TTPA: variants seen among roughly 807,000 people sequenced by gnomAD.
TTPA encodes the protein alpha tocopherol transfer protein, also known as alpha-tocopherol transfer protein.
Under a neutral mutation model 25.9 loss-of-function variants are expected in TTPA, and 23 were observed. The ratio of observed to expected loss-of-function variants is 0.89; its 90% confidence interval spans 0.64 to 1.26. The LOEUF (loss-of-function observed/expected upper bound fraction) is 1.26. Ranked by LOEUF, TTPA falls within the 50% of genes most tolerant of loss-of-function variation. TTPA has a pLI of 0.00. For synonymous variants in TTPA, 148 were observed against 137.3 expected, an observed-to-expected ratio of 1.08 and a Z score of -0.54; for missense variants, 337 against 353.1, an observed-to-expected ratio of 0.95 and a Z score of 0.37.
chr8:63,077,643 A>G (rs774295592), intron 1 of TTPA, among the ~76,000 whole-genome samples: 11 of 152,220 alleles, frequency 7.2e-5, no homozygotes, highest in Admixed American at 5.2e-4. Flanking sequence ...GAGTAGGTAA[A>G]CAAAGTGGGC....
chr8:63,060,223 G>A lies in TTPA; in HGVS notation c.*1029C>T, dbSNP rs1237298443. On this transcript the variant is annotated 3_prime_UTR_variant, in exon 5 of 5. Coordinates refer to ENST00000260116, the MANE Select transcript of TTPA (RefSeq NM_000370.3). ...TAAGTATGATTCCATCCCTTTCCGTGTAGTCATAAGAATGACCATAAGCAA... is the reference window on the plus strand; with the variant it reads ...TAAGTATGATTCCATCCCTTTCCGTATAGTCATAAGAATGACCATAAGCAA... 1.3e-5 allele frequency: 2 copies of A among 152,134 alleles called. No individual in the cohort carries two copies. The highest frequency in any genetic ancestry group is 2.9e-5 in the Non-Finnish European group (2 of 68,032). 9.4% of individuals were successfully genotyped at this position (152,134 alleles called of 1,614,324 possible).
intron 1 of TTPA, among the ~76,000 whole-genome samples, chr8:63,079,473 G>C (rs1245397986): frequency 1.3e-5 from 2 of 152,044 alleles, no homozygotes; most frequent in Non-Finnish European, 2.9e-5. Context: ...TAAAGGAATG[G>C]AGGAATATCT....
intron 2 of TTPA, among the ~76,000 whole-genome samples, chr8:63,070,451 A>G (rs1490657886): frequency 6.6e-6 from 1 of 152,144 alleles, no homozygotes; most frequent in Non-Finnish European, 1.5e-5. Flanking sequence ...TCCTCCCATT[A>G]ATTCAATCAA....
chr8:63,081,892 T>C (rs531705567), intron 1 of TTPA, among the ~76,000 whole-genome samples: 4 of 152,290 alleles, frequency 2.6e-5, no homozygotes, highest in African/African-American at 9.6e-5. Context: ...CCATTCACAA[T>C]TGCTACAAAC....
In TTPA at chr8:63,060,745, G is replaced by T. The variant is rs766356779; in HGVS notation, c.*507C>A. On this transcript the variant is annotated 3_prime_UTR_variant, in exon 5 of 5. Coordinates refer to ENST00000260116, the MANE Select transcript of TTPA (RefSeq NM_000370.3). ...TTTCCCTGAGATGAAATGTCTTGCTGGTCCACAGGAATAACCATAAAACTC... is the reference window on the plus strand; with the variant it reads ...TTTCCCTGAGATGAAATGTCTTGCTTGTCCACAGGAATAACCATAAAACTC... 9.7e-5 allele frequency: 15 copies of T among 154,688 alleles called. No homozygotes were observed. Among genetic ancestry groups the T allele is most frequent in the Admixed American group, 9.5e-4 (15 of 15,770 alleles). The allele number at this position is 154,688 out of a possible 1,614,324, so 9.6% of individuals were successfully genotyped here. A position where few individuals can be genotyped will look rare whatever the true frequency, so the allele number is the denominator to read the frequency against.
intron 1 of TTPA, among the ~76,000 whole-genome samples, chr8:63,080,114 G>A (rs557755340): frequency 1.1e-4 from 17 of 152,242 alleles, no homozygotes; most frequent in African/African-American, 4.1e-4. Flanking sequence ...GATGTTCTTT[G>A]AAACCAATGA....
chr8:63,079,920 G>A (rs1240306109), intron 1 of TTPA, among the ~76,000 whole-genome samples: 3 of 152,306 alleles, frequency 2.0e-5, no homozygotes, highest in South Asian at 2.1e-4. Flanking sequence ...ATAATTGGAA[G>A]TAAAGCACTC....
intron 1 of TTPA, among the ~76,000 whole-genome samples, chr8:63,077,450 C>T (rs887621616): frequency 2.0e-5 from 3 of 152,370 alleles, no homozygotes; most frequent in African/African-American, 7.2e-5. Context: ...CAGGACACTT[C>T]CACCCAAATA....
At chr8:63,085,420 T>C (rs1253515235) in intron 1 of TTPA, among the ~76,000 whole-genome samples, 2 of 152,242 alleles carry the variant, frequency 1.3e-5, no homozygotes, top group African/African-American at 4.8e-5. Context: ...TCTGGTCACG[T>C]GTGATAAGTC....
At chr8:63,070,951 C>T (rs1212921382) in intron 2 of TTPA, among the ~76,000 whole-genome samples, 1 of 151,588 alleles carries the variant, frequency 6.6e-6, no homozygotes. Flanking sequence ...CATAAGAATG[C>T]TCCATACATA....
At chr8:63,078,528 C>A (rs1457405824) in intron 1 of TTPA, among the ~76,000 whole-genome samples, 1 of 152,192 alleles carries the variant, frequency 6.6e-6, no homozygotes, top group Non-Finnish European at 1.5e-5. Flanking sequence ...GGCACAAGAA[C>A]TTTGTGATGC....
chr8:63,061,674 T>C (rs1805309372), intron 4 of TTPA, among the ~76,000 whole-genome samples: 1 of 152,242 alleles, frequency 6.6e-6, no homozygotes. Flanking sequence ...TAAAAAGTTA[T>C]TTTCCTCTTT....
intron 2 of TTPA, among the ~76,000 whole-genome samples, chr8:63,069,160 AC>A (rs1445530545): frequency 6.6e-6 from 1 of 151,990 alleles, no homozygotes; most frequent in Non-Finnish European, 1.5e-5. Flanking sequence ...TCTCAAAAAA[AC>A]AAAACAAAAC....
chr8:63,080,628 G>A (rs1316170918), intron 1 of TTPA, among the ~76,000 whole-genome samples: 6 of 151,680 alleles, frequency 4.0e-5, no homozygotes, highest in African/African-American at 1.5e-4. Context: ...GGCTGAGGTG[G>A]GAGAATGGCG....
At position 63,064,251 on chromosome 8, in the gene TTPA, G is replaced by A. The variant is rs765740342; in HGVS notation, c.618C>T (p.Val206=). 6.2e-7 allele frequency: 1 copy of A among 1,613,150 alleles called. No homozygotes were observed. The highest frequency in any genetic ancestry group is 1.1e-5 in the South Asian group (1 of 91,026). The part of the protein sequence containing the change: ...LINEPVIFHA[V]FSMIKPFLTE... ...TCAGGAATGGTTTGATCATGGAAAA[G>A]ACAGCATGGAAAATTACTGGTTCAT... Residue 206 remains valine, a synonymous_variant, in exon 4 of 5, where the codon GTC becomes GTT. Coordinates refer to ENST00000260116, the MANE Select transcript of TTPA (RefSeq NM_000370.3).
In TTPA at chr8:63,085,944, C is replaced by CGGCTG; in HGVS notation, c.73_77dup (p.Gly27SerfsTer46). ...CCCGGCGCCGCAGCGCCGCCAGGCCCGGCTGCAGCAACGGAGAGTGGTCCG... is the reference window on the plus strand; with the variant it reads ...CCCGGCGCCGCAGCGCCGCCAGGCCCGGCTGGGCTGCAGCAACGGAGAGTGGTCCG... On this transcript the variant is annotated frameshift_variant, in exon 1 of 5. Coordinates refer to ENST00000260116, the MANE Select transcript of TTPA (RefSeq NM_000370.3). LOFTEE classifies it high-confidence loss of function. 1 of 1,521,292 alleles carries CGGCTG rather than the reference C, an allele frequency of 6.6e-7. No individual in the cohort carries two copies. The highest frequency in any genetic ancestry group is 2.5e-5 in the East Asian group (1 of 39,264). The allele number at this position is 1,521,292 out of a possible 1,614,324, so 94.2% of individuals were successfully genotyped here.
intron 1 of TTPA, among the ~76,000 whole-genome samples, chr8:63,076,004 T>C (rs988194172): frequency 6.6e-6 from 1 of 152,148 alleles, no homozygotes; most frequent in Non-Finnish European, 1.5e-5. Context: ...GAGAAGTGAA[T>C]GGTTAGCTGT....
At chr8:63,063,789 G>T (rs1805345153) in intron 4 of TTPA, among the ~76,000 whole-genome samples, 1 of 152,018 alleles carries the variant, frequency 6.6e-6, no homozygotes, top group Non-Finnish European at 1.5e-5. Context: ...GTTTTCTGTT[G>T]TGTAGATGTT....
At chr8:63,081,758 A>T (rs887632509) in intron 1 of TTPA, among the ~76,000 whole-genome samples, 1 of 152,236 alleles carries the variant, frequency 6.6e-6, no homozygotes, top group Non-Finnish European at 1.5e-5. Flanking sequence ...TCTCAACCCA[A>T]AATCTCCTTA....
Sources: allele counts gnomAD v4.1 joint callset (sites outside exome capture counted in the v4.1 genomes callset), GRCh38; gene constraint gnomAD v4.1.1; transcripts MANE v1.5; gene names NCBI Gene and HGNC (gene_info 2026-07-23, HGNC 2026-07-21).